Variants in ATAD2B observed in about 807,000 individuals in gnomAD.
ATAD2B encodes ATPase family AAA domain-containing protein 2B.
Under a neutral mutation model 167.6 loss-of-function variants are expected in ATAD2B, and 40 were observed. The observed-to-expected ratio is 0.24, with a 90% confidence interval of 0.19 to 0.31. The LOEUF is 0.31. ATAD2B is among the 10% of genes least tolerant of loss of function. The pLI, the probability that ATAD2B is intolerant of heterozygous loss-of-function variation, is 1.00. For synonymous variants in ATAD2B, 579 were observed against 596.5 expected, an observed-to-expected ratio of 0.97 and a Z score of 0.43; for missense variants, 1,242 against 1,757.2, an observed-to-expected ratio of 0.71 and a Z score of 5.24.
At chr2:23,882,342 T>C (rs1468920835) in intron 6 of ATAD2B, among the ~76,000 whole-genome samples, 1 of 151,648 alleles carries the variant, frequency 6.6e-6, no homozygotes, top group Non-Finnish European at 1.5e-5. Context: ...ATTACAGGCG[T>C]GCACCACAAT....
chr2:23,808,300 T>C (rs1684983423), intron 18 of ATAD2B, among the ~76,000 whole-genome samples: 1 of 149,530 alleles, frequency 6.7e-6, no homozygotes, highest in African/African-American at 2.5e-5. Context: ...TTAATAAAGA[T>C]GGCTTCTTCC....
At chr2:23,760,695 T>TACACAC (rs745974065) in intron 24 of ATAD2B, among the ~76,000 whole-genome samples, 113 of 76,570 alleles carry the variant, frequency 1.5e-3, no homozygotes, top group Admixed American at 4.7e-3. Flanking sequence ...TAAATTTATA[T>TACACAC]ATATACACAC....
chr2:23,904,427 T>C (rs1295515871), intron 1 of ATAD2B, among the ~76,000 whole-genome samples: 1 of 151,958 alleles, frequency 6.6e-6, no homozygotes, highest in Admixed American at 6.6e-5. Flanking sequence ...AGGTGAATAA[T>C]GGAGCAAGTG....
At chr2:23,782,726 G>T in intron 22 of ATAD2B, 143 bp downstream of exon 22, 1 of 569,372 alleles carries the variant, frequency 1.8e-6, no homozygotes. Flanking sequence ...TTTTATGTAG[G>T]CTATGAGCTT....
chr2:23,884,325 C>A (rs541867915), intron 6 of ATAD2B, among the ~76,000 whole-genome samples: 1 of 152,302 alleles, frequency 6.6e-6, no homozygotes, highest in South Asian at 2.1e-4. Context: ...TCCCTTTCCA[C>A]TGGTATTAGA....
chr2:23,703,269 G>A, the ATAD2B span: 3 of 1,548,296 alleles, frequency 1.9e-6, 1 homozygote, highest in South Asian at 3.6e-5. Context: ...GTGTGTGGCG[G>A]CAAGATCTAC....
Position 23,751,972 on chromosome 2 carries a change from T to C in ATAD2B, c.*74A>G. The C allele has an allele frequency of 9.4e-6, 11 of 1,176,422 alleles. No homozygotes were observed. The highest frequency in any genetic ancestry group is 1.3e-5 in the Non-Finnish European group (11 of 815,450). 72.9% of individuals were successfully genotyped at this position (1,176,422 alleles called of 1,614,324 possible). The stretch of plus-strand genomic sequence containing the variant: ...AGGCTCTGCACATAATTGGTGCAAT[T>C]TGAAATTGAATGGCTCAGAAGACTG... On this transcript the variant is annotated 3_prime_UTR_variant, in exon 28 of 28. Coordinates refer to ENST00000238789, the MANE Select transcript of ATAD2B (RefSeq NM_017552.4).
the ATAD2B span, among the ~76,000 whole-genome samples, chr2:23,723,973 C>T: frequency 9.2e-5 from 14 of 152,164 alleles, no homozygotes; most frequent in Non-Finnish European, 1.8e-4. Flanking sequence ...TTTGCAGAAA[C>T]ATGGATGGAA....
chr2:23,766,093 AT>A (rs921340923), intron 22 of ATAD2B, among the ~76,000 whole-genome samples: 13 of 151,672 alleles, frequency 8.6e-5, no homozygotes, highest in South Asian at 2.1e-4. Flanking sequence ...AAGGTGACTT[AT>A]TTTTTTTTAA....
the ATAD2B span, among the ~76,000 whole-genome samples, chr2:23,679,422 G>A: frequency 6.6e-6 from 1 of 152,174 alleles, no homozygotes; most frequent in Non-Finnish European, 1.5e-5. Flanking sequence ...GGTGCCAGGG[G>A]TCCCTGGAGA....
At chr2:23,834,803 A>G (rs1017298813) in intron 13 of ATAD2B, among the ~76,000 whole-genome samples, 2 of 152,306 alleles carry the variant, frequency 1.3e-5, no homozygotes, top group African/African-American at 4.8e-5. Flanking sequence ...CTATAATCCC[A>G]GCACTTTGGG....
intron 1 of ATAD2B, among the ~76,000 whole-genome samples, chr2:23,912,994 T>A (rs1424112828): frequency 6.6e-6 from 1 of 152,100 alleles, no homozygotes; most frequent in Non-Finnish European, 1.5e-5. Flanking sequence ...AGAATCTGTC[T>A]CAAAAATAAA....
intron 1 of ATAD2B, among the ~76,000 whole-genome samples, chr2:23,924,040 G>A (rs994928178): frequency 6.6e-6 from 1 of 152,058 alleles, no homozygotes; most frequent in Non-Finnish European, 1.5e-5. Context: ...AAAATTAGCC[G>A]GGCGTGGTGG....
the ATAD2B span, among the ~76,000 whole-genome samples, chr2:23,681,924 C>T: frequency 2.3e-3 from 350 of 152,264 alleles, 2 homozygotes; most frequent in African/African-American, 8.1e-3. This position sits in a 1 kb window ranked among gnomAD's most constrained non-coding sequence, Gnocchi z 4.2. Context: ...GTCTCCCCTC[C>T]GCCTGGGCTG....
At chr2:23,872,804 G>T in intron 8 of ATAD2B, 1 of 1,003,180 alleles carries the variant, frequency 1.0e-6, no homozygotes. Context: ...ATCTAGCACT[G>T]TCCAGAGGGT....
chr2:23,917,650 G>A (rs931061294), intron 1 of ATAD2B, among the ~76,000 whole-genome samples: 4 of 151,956 alleles, frequency 2.6e-5, no homozygotes, highest in South Asian at 4.2e-4. Context: ...AGAAGAGCCA[G>A]GTGCAGTGGC....
rs773245085 is a variant in ATAD2B, at chr2:23,786,192, T to C, written c.2808A>G (p.Ala936=). ...ALCAMEVLPL[A]LPSPPRQLSE... ...ATAATTGACGAGGTGGAGAAGGTAG[T>C]GCAAGAGGAAGCACTTCCATAGCAC... The change falls in exon 21 of 28, where the codon GCA becomes GCG. Residue 936 remains alanine (A), a synonymous_variant. Transcript: ENST00000238789. 1.9e-6 allele frequency: 3 copies of C among 1,588,856 alleles called. No individual in the cohort carries two copies. The highest frequency in any genetic ancestry group is 1.1e-5 in the South Asian group (1 of 87,128).
chr2:23,682,253 A>C, the ATAD2B span, among the ~76,000 whole-genome samples: 1 of 151,564 alleles, frequency 6.6e-6, no homozygotes, highest in Non-Finnish European at 1.5e-5. This position sits in a 1 kb window ranked among gnomAD's most constrained non-coding sequence, Gnocchi z 4.1. Context: ...GCACACTCCC[A>C]CCCGCTGAGC....
chr2:23,701,824 C>T, the ATAD2B span, among the ~76,000 whole-genome samples: 6 of 81,632 alleles, frequency 7.4e-5, no homozygotes, highest in East Asian at 8.9e-4. Flanking sequence ...TTTTTTCAGA[C>T]GGAGTTTTGC....
Sources: allele counts gnomAD v4.1 joint callset (sites outside exome capture counted in the v4.1 genomes callset), GRCh38; gene constraint gnomAD v4.1.1; non-coding constraint Gnocchi (gnomAD v3.1); transcripts MANE v1.5; gene names NCBI Gene and HGNC (gene_info 2026-07-23, HGNC 2026-07-21).